The following CDH13 variants were observed in gnomAD, a reference collection of about 807,000 sequenced individuals.
The protein encoded by CDH13 is cadherin-13.
CDH13 carries 24 observed loss-of-function variants against 63.8 expected under a neutral mutation model. The observed-to-expected ratio is 0.38, with a 90% CI of 0.27 to 0.53. The LOEUF is 0.53. CDH13 is among the 20% of genes least tolerant of loss of function. CDH13 has a pLI of 0.85. For missense variants in CDH13, 1,049 were observed against 903.1 expected (o/e 1.16, Z -2.07); for synonymous variants, 503 against 355.3 (o/e 1.42, Z -4.67).
intron 1 of CDH13, among the ~76,000 whole-genome samples, chr16:82,752,618 T>C (rs1360876309): frequency 2.0e-5 from 3 of 152,146 alleles, no homozygotes; most frequent in Admixed American, 6.5e-5. Context: ...AAACACCTAC[T>C]CAAACAAGCT....
At chr16:83,737,925 G>A (rs1457775137) in intron 10 of CDH13, among the ~76,000 whole-genome samples, 1 of 152,226 alleles carries the variant, frequency 6.6e-6, no homozygotes, top group Non-Finnish European at 1.5e-5. Context: ...GTTTTCTCAT[G>A]TGTAAAATAA....
At chr16:83,755,140 C>T (rs2164662) in intron 11 of CDH13, among the ~76,000 whole-genome samples, 50,619 of 151,888 alleles carry the variant, frequency 0.33, 9,073 homozygotes, top group Non-Finnish European at 0.39. Flanking sequence ...CACAAGAGAT[C>T]TGAAATCTTT....
chr16:83,387,430 A>G (rs1352703550), intron 6 of CDH13, among the ~76,000 whole-genome samples: 3 of 152,166 alleles, frequency 2.0e-5, no homozygotes, highest in African/African-American at 7.2e-5. Context: ...GGAGCTCAAA[A>G]TGGATATTAG....
intron 8 of CDH13, among the ~76,000 whole-genome samples, chr16:83,626,859 G>T (rs528478829): frequency 5.3e-5 from 8 of 152,230 alleles, no homozygotes; most frequent in Admixed American, 1.3e-4. Flanking sequence ...GCCTCGGAAT[G>T]GTCCTCCGTG....
At chr16:82,841,160 C>A (rs6565071) in intron 1 of CDH13, among the ~76,000 whole-genome samples, 3 of 152,050 alleles carry the variant, frequency 2.0e-5, no homozygotes, top group Non-Finnish European at 4.4e-5. Context: ...CTGTTTGACT[C>A]CAAGCTCAAA....
chr16:82,884,350 G>C (rs759533885), intron 2 of CDH13: 2 of 376,142 alleles, frequency 5.3e-6, no homozygotes, highest in Non-Finnish European at 1.0e-5. Context: ...GAGAGCTTGG[G>C]ATTCAGTTCT....
chr16:82,951,795 A>T (rs1283837047), intron 2 of CDH13, among the ~76,000 whole-genome samples: 3 of 152,172 alleles, frequency 2.0e-5, no homozygotes, highest in Non-Finnish European at 4.4e-5. Context: ...ATAAATTCAC[A>T]CACGGGCTCA....
At chr16:83,370,247 G>A (rs776616229) in intron 6 of CDH13, among the ~76,000 whole-genome samples, 1 of 152,084 alleles carries the variant, frequency 6.6e-6, no homozygotes, top group Non-Finnish European at 1.5e-5. Context: ...AATTAGCCGG[G>A]TGCGGTGGCG....
At chr16:83,074,402 T>A (rs554651014) in intron 3 of CDH13, among the ~76,000 whole-genome samples, 1 of 152,230 alleles carries the variant, frequency 6.6e-6, no homozygotes, top group Admixed American at 6.5e-5. Flanking sequence ...TATCCACTGA[T>A]GGGCACAAGG....
chr16:83,415,785 T>C (rs767028434), intron 6 of CDH13, among the ~76,000 whole-genome samples: 20 of 152,144 alleles, frequency 1.3e-4, no homozygotes, highest in Non-Finnish European at 2.5e-4. Flanking sequence ...GAAAAGTCCA[T>C]AGCTAACGTC....
chr16:82,791,646 C>T (rs1226664412), intron 1 of CDH13, among the ~76,000 whole-genome samples: 1 of 152,182 alleles, frequency 6.6e-6, no homozygotes, highest in South Asian at 2.1e-4. Context: ...TGACTTCCAC[C>T]CCTCTGGATC....
rs1597172259 is a variant in CDH13 at position 82,634,289 on chromosome 16, G to T, written c.45+7152G>T. ...TCAGGCCAATGTCTCTTTCCCTCAA[G>T]GTGTCAGGGAACCGCTTTCTTGTGT... On this transcript the variant is annotated intron_variant, in intron 1 of 13. Coordinates refer to ENST00000567109, the MANE Select transcript of CDH13 (RefSeq NM_001257.5). Among the ~76,000 whole-genome samples, 4 of 152,344 alleles carry T rather than the reference G, an allele frequency of 2.6e-5. No homozygotes were observed. The East Asian group carries it at 5.8e-4, about 22-fold the overall frequency.
At chr16:83,293,504 C>T (rs994533682) in intron 5 of CDH13, among the ~76,000 whole-genome samples, 3 of 152,174 alleles carry the variant, frequency 2.0e-5, no homozygotes, top group Non-Finnish European at 2.9e-5. Flanking sequence ...TTATCCATGT[C>T]AGCAGTCTAG....
intron 6 of CDH13, among the ~76,000 whole-genome samples, chr16:83,362,720 A>C (rs2151387496): frequency 6.6e-6 from 1 of 152,308 alleles, no homozygotes; most frequent in Admixed American, 6.5e-5. Context: ...CCTCTGTCTC[A>C]TTGTGGGTTA....
intron 1 of CDH13, among the ~76,000 whole-genome samples, chr16:82,680,060 C>T (rs916116255): frequency 6.6e-6 from 1 of 152,134 alleles, no homozygotes; most frequent in African/African-American, 2.4e-5. Flanking sequence ...TTGTCCCTAT[C>T]CACTCTCATC....
chr16:83,645,440 C>T (rs1911697477), intron 8 of CDH13, among the ~76,000 whole-genome samples: 1 of 152,122 alleles, frequency 6.6e-6, no homozygotes, highest in Non-Finnish European at 1.5e-5. Context: ...TGAAAAACCA[C>T]CTATCAGGTA....
intron 5 of CDH13, among the ~76,000 whole-genome samples, chr16:83,315,294 A>G (rs934494180): frequency 6.6e-6 from 1 of 152,258 alleles, no homozygotes; most frequent in Admixed American, 6.5e-5. Context: ...TGCTGCTGCA[A>G]GTGGAATTTA....
chr16:83,138,832 C>T (rs1304062565), intron 4 of CDH13, among the ~76,000 whole-genome samples: 2 of 151,926 alleles, frequency 1.3e-5, no homozygotes, highest in Non-Finnish European at 2.9e-5. Context: ...GAAGGGCTCC[C>T]GGGCAGGGGA....
intron 7 of CDH13, among the ~76,000 whole-genome samples, chr16:83,592,989 T>A (rs2150738857): frequency 6.6e-6 from 1 of 152,300 alleles, no homozygotes; most frequent in East Asian, 1.9e-4. Flanking sequence ...CTGCTGGATT[T>A]ATGGACTACC....
Sources: gnomAD v4.1 joint callset for allele counts (sites outside exome capture counted in the v4.1 genomes callset) on GRCh38, gnomAD v4.1.1 for gene constraint, MANE v1.5 for transcripts, NCBI Gene and HGNC (gene_info 2026-07-23, HGNC 2026-07-21) for gene names.